FOXP2: variants seen among roughly 807,000 people sequenced by gnomAD.
FOXP2 encodes forkhead box protein P2.
FOXP2 carries 12 observed loss-of-function variants against 115.8 expected under a neutral mutation model. The observed-to-expected ratio is 0.10, with a 90% confidence interval of 0.07 to 0.17. The LOEUF (loss-of-function observed/expected upper bound fraction) is 0.17, where lower values mean the gene tolerates loss of function less well. Ranked by LOEUF, FOXP2 falls within the 10% of genes least tolerant of loss-of-function variation. FOXP2 has a pLI of 1.00. For synonymous variants in FOXP2, 328 were observed against 297.7 expected (o/e 1.10, Z -1.05); for missense variants, 629 against 843.5 (o/e 0.75, Z 3.15).
intron 2 of FOXP2, chr7:114,498,853 T>G: frequency 1.4e-6 from 1 of 717,980 alleles, no homozygotes; most frequent in South Asian, 1.5e-5. Flanking sequence ...TCATTTTCAC[T>G]GTCCTTGTTG....
chr7:114,562,255 C>A (rs1264957787), intron 3 of FOXP2, among the ~76,000 whole-genome samples: 1 of 152,182 alleles, frequency 6.6e-6, no homozygotes, highest in African/African-American at 2.4e-5. Context: ...TAGAGAATCA[C>A]AATATCAGGC....
At chr7:114,376,324 T>C (rs1478818346) in intron 2 of FOXP2, among the ~76,000 whole-genome samples, 1 of 152,224 alleles carries the variant, frequency 6.6e-6, no homozygotes, top group Non-Finnish European at 1.5e-5. Context: ...CAGTTTATAA[T>C]CTCAGCGACA....
intron 1 of FOXP2, among the ~76,000 whole-genome samples, chr7:114,423,657 A>G (rs1793714467): frequency 6.6e-6 from 1 of 151,668 alleles, no homozygotes. Flanking sequence ...GTTTCGGATC[A>G]TAAGCACATC....
intron 1 of FOXP2, among the ~76,000 whole-genome samples, chr7:114,135,218 C>T (rs1439259884): frequency 6.6e-6 from 1 of 152,002 alleles, no homozygotes; most frequent in Non-Finnish European, 1.5e-5. Context: ...AATCTTACTG[C>T]TAATTTAATG....
chr7:114,360,137 C>A (rs1285974596), intron 2 of FOXP2, among the ~76,000 whole-genome samples: 1 of 152,112 alleles, frequency 6.6e-6, no homozygotes, highest in African/African-American at 2.4e-5. Context: ...ATGTATAAAT[C>A]TCACAATATC....
chr7:114,510,068 T>G (rs1562967221), intron 2 of FOXP2, among the ~76,000 whole-genome samples: 1 of 152,164 alleles, frequency 6.6e-6, no homozygotes, highest in East Asian at 1.9e-4. Flanking sequence ...CATTAAATGA[T>G]GAGCAAAGAG....
At chr7:114,121,562 G>A (rs1791567343) in intron 1 of FOXP2, among the ~76,000 whole-genome samples, 2 of 152,124 alleles carry the variant, frequency 1.3e-5, no homozygotes, top group Non-Finnish European at 2.9e-5. Context: ...CAAAAACATG[G>A]TGATTAGATT....
intron 3 of FOXP2, among the ~76,000 whole-genome samples, chr7:114,586,307 A>G (rs1319883318): frequency 6.6e-6 from 1 of 152,142 alleles, no homozygotes; most frequent in Non-Finnish European, 1.5e-5. Flanking sequence ...GGTCTTGTCA[A>G]ATGTCTCTGA....
intron 2 of FOXP2, among the ~76,000 whole-genome samples, chr7:114,378,902 C>T (rs2129191210): frequency 6.7e-6 from 1 of 150,036 alleles, no homozygotes; most frequent in East Asian, 2.0e-4. Flanking sequence ...AAAATAATTA[C>T]ATCTTACTTT....
chr7:114,693,058 T>C lies in FOXP2; in HGVS notation c.*3132T>C, dbSNP rs1488001079. ...TATCAGATTTTATTTTACATAGTTTTAGTCTACAAAGACACAATTGCTTAA... is the reference window on the plus strand; with the variant it reads ...TATCAGATTTTATTTTACATAGTTTCAGTCTACAAAGACACAATTGCTTAA... On this transcript the variant is annotated 3_prime_UTR_variant, in exon 17 of 17. Coordinates refer to ENST00000350908, the MANE Select transcript of FOXP2 (RefSeq NM_014491.4). The C allele has an allele frequency of 2.2e-6, 1 of 453,832 alleles. No homozygotes were observed. The allele number at this position is 453,832 out of a possible 1,614,324, so 28.1% of individuals were successfully genotyped here.
intron 1 of FOXP2, among the ~76,000 whole-genome samples, chr7:114,171,447 C>A (rs973327196): frequency 6.6e-6 from 1 of 152,078 alleles, no homozygotes; most frequent in Admixed American, 6.5e-5. Flanking sequence ...GTGTCATGTG[C>A]CTGTAGTCCC....
intron 2 of FOXP2, among the ~76,000 whole-genome samples, chr7:114,333,192 A>G (rs1797754350): frequency 6.6e-6 from 1 of 152,178 alleles, no homozygotes; most frequent in Non-Finnish European, 1.5e-5. Flanking sequence ...AATGACAAAT[A>G]TTTTAGGGTA....
intron 2 of FOXP2, among the ~76,000 whole-genome samples, chr7:114,403,845 G>C (rs1348446803): frequency 6.6e-6 from 1 of 152,132 alleles, no homozygotes; most frequent in East Asian, 1.9e-4. Context: ...TTAACTAAAA[G>C]CATACATGGT....
intron 2 of FOXP2, among the ~76,000 whole-genome samples, chr7:114,469,460 T>G (rs1315882707): frequency 6.6e-6 from 1 of 152,200 alleles, no homozygotes; most frequent in Non-Finnish European, 1.5e-5. Flanking sequence ...GCTAGTGACA[T>G]TTTCACAGTG....
intron 1 of FOXP2, among the ~76,000 whole-genome samples, chr7:114,188,160 T>C (rs543130170): frequency 1.1e-4 from 16 of 152,118 alleles, no homozygotes; most frequent in Non-Finnish European, 2.2e-4. Context: ...AGCACAGTCA[T>C]GGTGCTCTAC....
chr7:114,183,720 CAAG>C (rs749498527), intron 1 of FOXP2, among the ~76,000 whole-genome samples: 6 of 152,062 alleles, frequency 3.9e-5, no homozygotes, highest in Non-Finnish European at 8.8e-5. Flanking sequence ...TAATTTATAT[CAAG>C]TTTTGGCAAA....
At chr7:114,123,419 A>G (rs1013015751) in intron 1 of FOXP2, among the ~76,000 whole-genome samples, 1 of 151,752 alleles carries the variant, frequency 6.6e-6, no homozygotes, top group Admixed American at 6.6e-5. Flanking sequence ...AGGTTTTGCC[A>G]CTTTTTGTGT....
intron 1 of FOXP2, among the ~76,000 whole-genome samples, chr7:114,109,631 A>C (rs935965151): frequency 1.3e-5 from 2 of 152,102 alleles, no homozygotes; most frequent in African/African-American, 4.8e-5. Context: ...TTTATATATT[A>C]ACTTTTAATC....
intron 2 of FOXP2, among the ~76,000 whole-genome samples, chr7:114,380,094 G>A (rs1230459445): frequency 2.0e-5 from 3 of 152,122 alleles, no homozygotes; most frequent in Non-Finnish European, 4.4e-5. Flanking sequence ...TTCAATACCC[G>A]CTTGGCGGTT....
Sources: allele counts gnomAD v4.1 joint callset (sites outside exome capture counted in the v4.1 genomes callset), GRCh38; gene constraint gnomAD v4.1.1; transcripts MANE v1.5; gene names NCBI Gene and HGNC (gene_info 2026-07-23, HGNC 2026-07-21).